Variants in BAIAP2L1 observed in about 807,000 individuals in gnomAD.
BAIAP2L1 encodes the protein BAR/IMD domain containing adaptor protein 2 like 1, also known as BAR/IMD domain-containing adapter protein 2-like 1.
BAIAP2L1 carries 35 observed loss-of-function variants against 66.3 expected under a neutral mutation model. The ratio of observed to expected loss-of-function variants is 0.53; its 90% CI spans 0.40 to 0.70. The LOEUF (loss-of-function observed/expected upper bound fraction) is 0.70, where lower values mean the gene tolerates loss of function less well. Among genes scored for constraint, BAIAP2L1 ranks in the 30% least tolerant of loss-of-function variants. BAIAP2L1 has a pLI of 0.00. For missense variants in BAIAP2L1, 622 were observed against 656.9 expected, an observed-to-expected ratio of 0.95 and a Z score of 0.58; for synonymous variants, 269 against 248.7, an observed-to-expected ratio of 1.08 and a Z score of -0.77.
At chr7:98,377,200 G>T (rs1381810307) in intron 1 of BAIAP2L1, among the ~76,000 whole-genome samples, 1 of 152,126 alleles carries the variant, frequency 6.6e-6, no homozygotes, top group East Asian at 1.9e-4. Flanking sequence ...TAAAGAGACT[G>T]CATTTTACCC....
At position 98,292,895 on chromosome 7, in the gene BAIAP2L1, A is replaced by G. The variant is rs970907761; in HGVS notation, c.*626T>C. On this transcript the variant is annotated 3_prime_UTR_variant, in exon 14 of 14. Coordinates refer to ENST00000005260, the MANE Select transcript of BAIAP2L1 (RefSeq NM_018842.5). ...CTCGGAGGAGATTTCGTCGAGTGCTACGTGTGGCTGTGATAAGGGCAGGCA... is the reference window on the plus strand; with the variant it reads ...CTCGGAGGAGATTTCGTCGAGTGCTGCGTGTGGCTGTGATAAGGGCAGGCA... 41 of 1,425,914 alleles carry G rather than the reference A, an allele frequency of 2.9e-5. No homozygotes were observed. Among genetic ancestry groups the G allele is most frequent in the Non-Finnish European group, 3.4e-5 (37 of 1,092,358 alleles). 88.3% of individuals were successfully genotyped at this position (1,425,914 alleles called of 1,614,324 possible).
chr7:98,338,293 G>A (rs1801658348), intron 3 of BAIAP2L1, among the ~76,000 whole-genome samples: 1 of 152,170 alleles, frequency 6.6e-6, no homozygotes, highest in Admixed American at 6.5e-5. Flanking sequence ...GCGGTGGCGG[G>A]CGCCTGTGGT....
chr7:98,338,272 A>G (rs1319805536), intron 3 of BAIAP2L1, among the ~76,000 whole-genome samples: 1 of 151,902 alleles, frequency 6.6e-6, no homozygotes, highest in East Asian at 1.9e-4. Context: ...TACAAAAAAA[A>G]TTAGCCGGGC....
chr7:98,400,565 AAGG>A (rs1397868941), intron 1 of BAIAP2L1, among the ~76,000 whole-genome samples: 1 of 99,608 alleles, frequency 1.0e-5, no homozygotes, highest in Non-Finnish European at 2.0e-5. Context: ...GAGGGGAGGG[AAGG>A]AGGAGGAAAA....
At chr7:98,391,545 T>C (rs897725008) in intron 1 of BAIAP2L1, among the ~76,000 whole-genome samples, 4 of 151,330 alleles carry the variant, frequency 2.6e-5, no homozygotes, top group African/African-American at 9.7e-5. Context: ...CTGACTCTAC[T>C]AAAAATACAA....
At chr7:98,335,518 T>C (rs545135431) in intron 3 of BAIAP2L1, among the ~76,000 whole-genome samples, 2 of 152,376 alleles carry the variant, frequency 1.3e-5, no homozygotes, top group African/African-American at 4.8e-5. Context: ...CAAGTCTTAT[T>C]AATGCTGTAA....
At position 98,370,936 on chromosome 7, in the gene BAIAP2L1, A is replaced by C. The variant is rs115642176; in HGVS notation, c.52-8504T>G. On this transcript the variant is annotated intron_variant, in intron 1 of 13. Coordinates refer to ENST00000005260, the MANE Select transcript of BAIAP2L1 (RefSeq NM_018842.5). ...TGCCTTTGTATTCCAGAATCTATAA[A>C]GTTTTATAGTAGTTGTGGACACACT... is the stretch of plus-strand genomic sequence containing the variant. 9.1e-3 allele frequency among the ~76,000 whole-genome samples: 1,384 copies of C among 152,254 alleles called. 22 individuals are homozygous for C. The highest frequency in any genetic ancestry group is 0.032 in the African/African-American group (1,326 of 41,524).
chr7:98,344,599 C>A (rs1016934839), intron 3 of BAIAP2L1, among the ~76,000 whole-genome samples: 1 of 152,126 alleles, frequency 6.6e-6, no homozygotes, highest in African/African-American at 2.4e-5. Context: ...ATTTTAGATA[C>A]TAACTTGCAA....
intron 3 of BAIAP2L1, among the ~76,000 whole-genome samples, chr7:98,331,802 C>T (rs1319518688): frequency 6.6e-6 from 1 of 152,058 alleles, no homozygotes; most frequent in African/African-American, 2.4e-5. Flanking sequence ...GAAAAGAACA[C>T]CTTGCTTCTA....
intron 1 of BAIAP2L1, among the ~76,000 whole-genome samples, chr7:98,376,005 T>C (rs1802619506): frequency 1.3e-5 from 2 of 152,186 alleles, no homozygotes; most frequent in African/African-American, 2.4e-5. Context: ...GCTTTGTGTG[T>C]TAAAAAATAC....
At chr7:98,306,752 G>C (rs1800673270) in intron 10 of BAIAP2L1, 1 of 544,138 alleles carries the variant, frequency 1.8e-6, no homozygotes, top group Admixed American at 3.3e-5. Flanking sequence ...CTGTTGCCCA[G>C]GCTGGAGTGC....
chr7:98,298,476 A>G (rs1173486792), intron 12 of BAIAP2L1, among the ~76,000 whole-genome samples: 3 of 151,892 alleles, frequency 2.0e-5, no homozygotes, highest in African/African-American at 7.2e-5. Flanking sequence ...AGCCAGGCGT[A>G]GTGGCGGGCG....
intron 1 of BAIAP2L1, among the ~76,000 whole-genome samples, chr7:98,392,720 C>G (rs933281339): frequency 2.6e-5 from 4 of 152,048 alleles, no homozygotes; most frequent in African/African-American, 7.2e-5. Context: ...GGGATATGTA[C>G]GGAAAAGTAT....
chr7:98,356,910 T>C (rs1802133491), intron 2 of BAIAP2L1, among the ~76,000 whole-genome samples: 1 of 136,460 alleles, frequency 7.3e-6, no homozygotes, highest in Non-Finnish European at 1.5e-5. Context: ...GTGGGAGAAT[T>C]GCGTGAGCCC....
intron 1 of BAIAP2L1, among the ~76,000 whole-genome samples, chr7:98,379,738 T>C (rs892323551): frequency 2.0e-5 from 3 of 152,076 alleles, no homozygotes; most frequent in African/African-American, 4.8e-5. Context: ...TATTCAGCCA[T>C]AGAAAAGGAA....
intron 1 of BAIAP2L1, among the ~76,000 whole-genome samples, chr7:98,385,124 A>G (rs1332636091): frequency 1.3e-5 from 2 of 151,966 alleles, no homozygotes; most frequent in Non-Finnish European, 2.9e-5. Flanking sequence ...CCTGGCCAAC[A>G]TGGTGAAACC....
In BAIAP2L1 at chr7:98,385,733, T is replaced by C. The variant is rs771106467; in HGVS notation, c.51+15069A>G. On this transcript the variant is annotated intron_variant, in intron 1 of 13. Transcript: ENST00000005260. ...CCAGCCAGGAATCAACATTTCTTTT[T>C]TTTGTTGTTTTTTTTTTCACAAATA... 7.6e-4 allele frequency: 971 copies of C among 1,278,256 alleles called. 2 individuals are homozygous for C. Among genetic ancestry groups the C allele is most frequent in the Non-Finnish European group, 9.6e-4 (879 of 916,730 alleles). 79.2% of individuals were successfully genotyped at this position (1,278,256 alleles called of 1,614,324 possible). A position where few individuals can be genotyped will look rare whatever the true frequency, so the allele number is the denominator to read the frequency against.
chr7:98,328,232 G>A (rs1399182082), intron 3 of BAIAP2L1, among the ~76,000 whole-genome samples: 1 of 152,114 alleles, frequency 6.6e-6, no homozygotes, highest in Non-Finnish European at 1.5e-5. Flanking sequence ...GGCCGGAGAA[G>A]GGCCAGGCAC....
In BAIAP2L1 at chr7:98,362,324, TTATATA is replaced by T. The variant is rs761908030; in HGVS notation, c.127+27_127+32del. The T allele has an allele frequency of 4.1e-6, 6 of 1,478,744 alleles. No individual in the cohort carries two copies. The African/African-American group carries it at 7.0e-5, about 17-fold the overall frequency. The allele number at this position is 1,478,744 out of a possible 1,614,324, so 91.6% of individuals were successfully genotyped here. A position where few individuals can be genotyped will look rare whatever the true frequency, so the allele number is the denominator to read the frequency against. On this transcript the variant is annotated intron_variant, in intron 2 of 13. Transcript: ENST00000005260. ...ATAATTACATATTTACTGAGTGGCT[TTATATA>T]TAATCAATTCAGAAAAACAGACTTA...
Sources: allele counts gnomAD v4.1 joint callset (sites outside exome capture counted in the v4.1 genomes callset), GRCh38; gene constraint gnomAD v4.1.1; transcripts MANE v1.5; gene names NCBI Gene and HGNC (gene_info 2026-07-23, HGNC 2026-07-21).